The following MYO1E variants were observed in gnomAD, a reference collection of about 807,000 sequenced individuals.
MYO1E encodes the protein myosin IE, also known as unconventional myosin-Ie.
Under a neutral mutation model 151.1 loss-of-function variants are expected in MYO1E, and 68 were observed. That is an observed-to-expected ratio of 0.45 (90% CI 0.37 to 0.55). The LOEUF is 0.55. MYO1E is among the 20% of genes least tolerant of loss of function. The probability of loss-of-function intolerance (pLI) is 0.00; values close to 1 mark genes in which losing one functional copy is unlikely to be tolerated. For missense variants in MYO1E, 1,363 were observed against 1,389.3 expected (o/e 0.98, Z 0.30); for synonymous variants, 601 against 501.7 (o/e 1.20, Z -2.64).
At chr15:59,196,879 G>C (rs895968073) in intron 16 of MYO1E, among the ~76,000 whole-genome samples, 6 of 151,898 alleles carry the variant, frequency 4.0e-5, no homozygotes, top group African/African-American at 1.5e-4. Context: ...GAGCCGGAGA[G>C]GGACTGCAGG....
At chr15:59,162,728 C>T (rs1566967850) in intron 23 of MYO1E, among the ~76,000 whole-genome samples, 1 of 151,710 alleles carries the variant, frequency 6.6e-6, no homozygotes, top group Non-Finnish European at 1.5e-5. Flanking sequence ...GTCCTCAAGC[C>T]CCCGGAGGCT....
At chr15:59,267,464 G>A (rs1453515012) in intron 2 of MYO1E, among the ~76,000 whole-genome samples, 3 of 152,222 alleles carry the variant, frequency 2.0e-5, no homozygotes, top group African/African-American at 7.2e-5. Context: ...GGGTGGCCTG[G>A]AACTCGAAGC....
Position 59,159,394 on chromosome 15 carries a change from G to A in MYO1E, c.2786-1015C>T, listed in dbSNP as rs1405598743. ...TGCCCGGCTCTGTGCCCTGGGGTCT[G>A]AGTCCTGTGGACAGCCAGGCCTCTG... On this transcript the variant is annotated intron_variant, in intron 24 of 27. Transcript: ENST00000288235. This position sits in a 1 kb window ranked among gnomAD's most constrained non-coding sequence, Gnocchi z 4.4. 6.6e-6 allele frequency among the ~76,000 whole-genome samples: 1 copy of A among 152,246 alleles called. No homozygotes were observed. Among genetic ancestry groups the A allele is most frequent in the Non-Finnish European group, 1.5e-5 (1 of 68,036 alleles).
rs1178065800 is a variant in MYO1E at position 59,162,061 on chromosome 15, G to A, written c.2628-831C>T. 7.2e-5 allele frequency among the ~76,000 whole-genome samples: 11 copies of A among 152,132 alleles called. No homozygotes were observed. The East Asian group carries it at 2.1e-3, about 29-fold the overall frequency. On this transcript the variant is annotated intron_variant, in intron 23 of 27. Coordinates refer to ENST00000288235, the MANE Select transcript of MYO1E (RefSeq NM_004998.4). ...TAACTTTCTTTCTGTGTTTTAGACA[G>A]GGTCTTGCTCTGTTGCCCAGGCTGG...
chr15:59,163,258 GT>G lies in MYO1E; in HGVS notation c.2525del (p.Asp842AlafsTer13), dbSNP rs1452939219. 1 of 1,613,758 alleles carries G rather than the reference GT, an allele frequency of 6.2e-7. No homozygotes were observed. The highest frequency in any genetic ancestry group is 8.5e-7 in the Non-Finnish European group (1 of 1,179,646). On this transcript the variant is annotated frameshift_variant, in exon 23 of 28. Coordinates refer to ENST00000288235, the MANE Select transcript of MYO1E (RefSeq NM_004998.4). LOFTEE classifies it high-confidence loss of function. ...TTTTGAAGACAGATTCAAGCAAACTGTCATACTCTTGCTCATGGAGAATAAA... is the reference window on the plus strand; with the variant it reads ...TTTTGAAGACAGATTCAAGCAAACTGCATACTCTTGCTCATGGAGAATAAA... ...DIFILHEQEY[D>X]SLLESVFKTE...
Position 59,218,010 on chromosome 15 carries a change from T to C in MYO1E, c.988A>G (p.Ser330Gly), listed in dbSNP as rs1467004620. The change falls in exon 10 of 28, where the codon AGC (serine) becomes GGC (glycine). Residue 330 changes from serine to glycine, a missense_variant. By Grantham distance (56) the Ser-to-Gly change is moderately conservative. Coordinates refer to ENST00000288235, the MANE Select transcript of MYO1E (RefSeq NM_004998.4). ...KEKLTSRQMDSKWGGKSESIH... is the reference protein window; with the variant it reads ...KEKLTSRQMDGKWGGKSESIH... ...GATTCGGATTTGCCTCCCCACTTGC[T>C]ATCCATCTGCCGGCTTGTTAGCTTT... The C allele has an allele frequency of 1.9e-6, 3 of 1,614,120 alleles. No individual in the cohort carries two copies. The highest frequency in any genetic ancestry group is 2.5e-6 in the Non-Finnish European group (3 of 1,180,040).
chr15:59,177,203 C>T (rs1378202283), intron 19 of MYO1E, among the ~76,000 whole-genome samples: 1 of 152,126 alleles, frequency 6.6e-6, no homozygotes, highest in Non-Finnish European at 1.5e-5. Context: ...AATGAAAATT[C>T]TTGTGAAGCT....
chr15:59,213,181 A>G (rs1596368565), intron 12 of MYO1E, among the ~76,000 whole-genome samples: 2 of 134,920 alleles, frequency 1.5e-5, no homozygotes, highest in Non-Finnish European at 3.3e-5. Context: ...TATTATTATT[A>G]TTATTTTGAG....
intron 3 of MYO1E, among the ~76,000 whole-genome samples, chr15:59,258,887 A>G (rs2080209343): frequency 5.3e-5 from 8 of 151,870 alleles, no homozygotes; most frequent in Admixed American, 5.3e-4. Context: ...GAAAACATTT[A>G]GATCCAACTT....
At chr15:59,208,886 C>G (rs748934030) in intron 13 of MYO1E, 38 bp from the exon 14 acceptor site, 1 of 1,611,970 alleles carries the variant, frequency 6.2e-7, no homozygotes, top group African/African-American at 1.3e-5. Flanking sequence ...AGTCACTGAC[C>G]TCTCCAAAAC....
At chr15:59,170,956 T>C (rs551350627) in intron 22 of MYO1E, among the ~76,000 whole-genome samples, 22 of 152,326 alleles carry the variant, frequency 1.4e-4, no homozygotes, top group Admixed American at 1.2e-3. Flanking sequence ...TCCATGTTCA[T>C]GTGAGAGCAG....
intron 1 of MYO1E, among the ~76,000 whole-genome samples, chr15:59,356,592 T>G (rs2080853796): frequency 1.3e-5 from 2 of 152,166 alleles, no homozygotes; most frequent in African/African-American, 4.8e-5. Context: ...CCATTAAGTT[T>G]TTTGGGGTTT....
intron 18 of MYO1E, among the ~76,000 whole-genome samples, chr15:59,182,930 C>G (rs2079672724): frequency 6.6e-6 from 1 of 152,192 alleles, no homozygotes; most frequent in African/African-American, 2.4e-5. Flanking sequence ...CTCAGGTCAT[C>G]AGGCATTAGA....
At chr15:59,237,352 T>C (rs201834184) in intron 4 of MYO1E, among the ~76,000 whole-genome samples, 2 of 152,292 alleles carry the variant, frequency 1.3e-5, no homozygotes, top group East Asian at 1.9e-4. Context: ...ATTAATCACA[T>C]CCGGAGTAAC....
rs1273189164 is a variant in MYO1E at position 59,178,470 on chromosome 15, G to T, written c.1972C>A (p.Leu658Met). Residue 658 changes from leucine (L) to methionine (M), a missense_variant, in exon 19 of 28, where the codon CTG becomes ATG. Transcript: ENST00000288235. ...QGEEKQGVLHLLQSVNMDSDQ... is the reference protein window; with the variant it reads ...QGEEKQGVLHMLQSVNMDSDQ... ...CTGTCCATGTTGACCGACTGCAGCA[G>T]GTGCAGGACGCCTTGCTTCTCCTCT... 1 of 1,614,216 alleles carries T rather than the reference G, an allele frequency of 6.2e-7. No individual in the cohort carries two copies. The highest frequency in any genetic ancestry group is 1.1e-5 in the South Asian group (1 of 91,084).
intron 1 of MYO1E, among the ~76,000 whole-genome samples, chr15:59,317,611 G>GC (rs2080597473): frequency 6.6e-6 from 1 of 152,130 alleles, no homozygotes; most frequent in Non-Finnish European, 1.5e-5. Context: ...TTTCAGGACT[G>GC]CCCCATATTA....
chr15:59,171,839 C>G (rs1414425320), intron 22 of MYO1E, 58 bp downstream of exon 22: 1 of 1,611,128 alleles, frequency 6.2e-7, no homozygotes, highest in Non-Finnish European at 8.5e-7. Flanking sequence ...TTTGGAACAG[C>G]GGACCGTGAT....
chr15:59,229,574 A>G (rs2080013176), intron 6 of MYO1E, among the ~76,000 whole-genome samples: 2 of 152,228 alleles, frequency 1.3e-5, no homozygotes, highest in African/African-American at 4.8e-5. Context: ...AAGAAGTTTC[A>G]CCTCGACTCT....
chr15:59,227,809 C>T (rs1303206455), intron 6 of MYO1E, among the ~76,000 whole-genome samples: 3 of 152,184 alleles, frequency 2.0e-5, no homozygotes, highest in Non-Finnish European at 4.4e-5. Context: ...CCTATCATTC[C>T]AGCATGACTA....
Sources: gnomAD v4.1 joint callset for allele counts (sites outside exome capture counted in the v4.1 genomes callset) on GRCh38, gnomAD v4.1.1 for gene constraint, Gnocchi (gnomAD v3.1) non-coding constraint, MANE v1.5 for transcripts, NCBI Gene and HGNC (gene_info 2026-07-23, HGNC 2026-07-21) for gene names.